GRM5: variants seen among roughly 807,000 people sequenced by gnomAD.
GRM5 encodes the protein glutamate metabotropic receptor 5.
In GRM5, 19 loss-of-function variants were observed where a neutral mutation model predicts 83.1. That is an observed-to-expected ratio of 0.23 (90% confidence interval 0.16 to 0.34). The LOEUF (loss-of-function observed/expected upper bound fraction) is 0.34. Among genes scored for constraint, GRM5 ranks in the 10% least tolerant of loss-of-function variants. The probability of loss-of-function intolerance (pLI) is 1.00; values close to 1 mark genes in which losing one functional copy is unlikely to be tolerated. For synonymous variants in GRM5, 675 were observed against 633.6 expected (o/e 1.07, Z -0.98); for missense variants, 1,160 against 1,588.3 (o/e 0.73, Z 4.58).
intron 3 of GRM5, among the ~76,000 whole-genome samples, chr11:88,826,359 G>A (rs1207532144): frequency 1.3e-5 from 2 of 151,834 alleles, no homozygotes; most frequent in Non-Finnish European, 2.9e-5. Context: ...CCTAAGTTCT[G>A]TAGGAATTAG....
At chr11:88,584,205 T>TAC (rs10526384) in intron 7 of GRM5, among the ~76,000 whole-genome samples, 25,114 of 144,142 alleles carry the variant, frequency 0.17, 2,046 homozygotes, top group Admixed American at 0.23. Flanking sequence ...TGTTTCAAAT[T>TAC]ACACACACAC....
At chr11:88,811,741 C>T (rs959930829) in intron 3 of GRM5, among the ~76,000 whole-genome samples, 1 of 152,066 alleles carries the variant, frequency 6.6e-6, no homozygotes, top group African/African-American at 2.4e-5. Flanking sequence ...AGATATCTTA[C>T]ATAAAGCATA....
chr11:88,820,703 T>C (rs1317676167), intron 3 of GRM5, among the ~76,000 whole-genome samples: 1 of 152,214 alleles, frequency 6.6e-6, no homozygotes, highest in Non-Finnish European at 1.5e-5. Context: ...AAATATTTCG[T>C]AAATGTCTAA....
chr11:88,541,989 C>T (rs1409978799), intron 8 of GRM5, among the ~76,000 whole-genome samples: 1 of 152,186 alleles, frequency 6.6e-6, no homozygotes, highest in Non-Finnish European at 1.5e-5. Flanking sequence ...TTTCTCTTCT[C>T]TCTCCTGCTC....
intron 2 of GRM5, among the ~76,000 whole-genome samples, chr11:88,856,524 A>T (rs868263435): frequency 2.0e-5 from 3 of 152,072 alleles, no homozygotes; most frequent in Admixed American, 2.0e-4. Context: ...GCCTGAAGCT[A>T]ATTTATGGTG....
rs11828291 is a variant in GRM5, at chr11:88,530,475, T to C, written c.2631-5071A>G. ...TGTTGTTCTTCTTCTTGTACCTTCT[T>C]TGTCCAGGAAGTTCTAGCTCTTCTG... On this transcript the variant is annotated intron_variant, in intron 8 of 9. Transcript: ENST00000305447. Among the ~76,000 whole-genome samples, 1,356 of 152,172 alleles carry C rather than the reference T, an allele frequency of 8.9e-3. 18 individuals are homozygous for C. Among genetic ancestry groups the C allele is most frequent in the African/African-American group, 0.03 (1,230 of 41,558 alleles).
intron 3 of GRM5, among the ~76,000 whole-genome samples, chr11:88,805,055 G>A (rs1943475590): frequency 6.6e-6 from 1 of 152,162 alleles, no homozygotes; most frequent in South Asian, 2.1e-4. Flanking sequence ...TCCTGTAAAT[G>A]CATGTGTTGG....
intron 2 of GRM5, among the ~76,000 whole-genome samples, chr11:88,922,257 A>G (rs575582365): frequency 6.6e-6 from 1 of 152,320 alleles, no homozygotes; most frequent in South Asian, 2.1e-4. Flanking sequence ...TGGAACCACA[A>G]AAGACTCAGA....
chr11:88,668,212 G>GCACACACACA (rs71046259), intron 3 of GRM5, among the ~76,000 whole-genome samples: 17,271 of 142,532 alleles, frequency 0.12, 1,307 homozygotes, highest in Non-Finnish European at 0.16. Context: ...GCAGAAACTC[G>GCACACACACA]CACACACACA....
chr11:89,042,313 A>G (rs1406118910), intron 2 of GRM5, among the ~76,000 whole-genome samples: 2 of 152,202 alleles, frequency 1.3e-5, no homozygotes, highest in Non-Finnish European at 2.9e-5. Flanking sequence ...GAAAAATGGC[A>G]AAAAGGAACC....
At chr11:88,691,013 C>T (rs1940768301) in intron 3 of GRM5, among the ~76,000 whole-genome samples, 1 of 152,098 alleles carries the variant, frequency 6.6e-6, no homozygotes, top group Non-Finnish European at 1.5e-5. Context: ...TTGTAAAGCA[C>T]AAAGAGGCTC....
intron 2 of GRM5, among the ~76,000 whole-genome samples, chr11:88,874,310 G>T (rs1464432737): frequency 1.3e-5 from 2 of 151,824 alleles, no homozygotes; most frequent in East Asian, 3.9e-4. Flanking sequence ...ATTGCTTTTT[G>T]ACAAAGTATC....
intron 3 of GRM5, among the ~76,000 whole-genome samples, chr11:88,710,721 T>C (rs1293972771): frequency 1.3e-5 from 2 of 151,996 alleles, no homozygotes; most frequent in African/African-American, 4.8e-5. Context: ...AGTGTGTGTG[T>C]GCATGCATGC....
chr11:88,882,860 T>C (rs902809694), intron 2 of GRM5, among the ~76,000 whole-genome samples: 2 of 152,118 alleles, frequency 1.3e-5, no homozygotes, highest in Non-Finnish European at 2.9e-5. Flanking sequence ...AACTGAATCA[T>C]GAGGGTGGGT....
intron 4 of GRM5, among the ~76,000 whole-genome samples, chr11:88,639,838 G>A (rs35057541): frequency 6.6e-6 from 1 of 152,020 alleles, no homozygotes; most frequent in African/African-American, 2.4e-5. Flanking sequence ...TCAAATTCTA[G>A]TGCCTTAGGA....
At chr11:88,944,598 A>T (rs576442035) in intron 2 of GRM5, among the ~76,000 whole-genome samples, 71 of 151,956 alleles carry the variant, frequency 4.7e-4, no homozygotes, top group African/African-American at 1.6e-3. Flanking sequence ...CATGCAGTAC[A>T]TTAGATCTCC....
chr11:88,765,410 AAAAAAC>A lies in GRM5; in HGVS notation c.911+84490_911+84495del, dbSNP rs1297949611. Among the ~76,000 whole-genome samples, 734 of 118,212 alleles carry A rather than the reference AAAAAAC, an allele frequency of 6.2e-3. 2 individuals carry two copies. The highest frequency in any genetic ancestry group is 0.02 in the African/African-American group (695 of 34,396). The allele number at this position is 118,212 out of a possible 152,430, so 77.6% of individuals were successfully genotyped here. On this transcript the variant is annotated intron_variant, in intron 3 of 9. Transcript: ENST00000305447. ...AAGACAATTTGAAAAAAAAAAAAAA[AAAAAAC>A]AAAGTGGAAGGACTCACACTTTCCA...
At chr11:88,734,700 T>C (rs1353268412) in intron 3 of GRM5, among the ~76,000 whole-genome samples, 1 of 152,074 alleles carries the variant, frequency 6.6e-6, no homozygotes, top group East Asian at 1.9e-4. Flanking sequence ...TTTTCATCAT[T>C]TTCTGTCTGT....
At chr11:88,972,981 T>C (rs11021689) in intron 2 of GRM5, among the ~76,000 whole-genome samples, 17,620 of 152,040 alleles carry the variant, frequency 0.12, 3,286 homozygotes, top group African/African-American at 0.39. Context: ...ACACAGTAAC[T>C]AGGCTAATTT....
Sources: gnomAD v4.1 joint callset for allele counts (sites outside exome capture counted in the v4.1 genomes callset) on GRCh38, gnomAD v4.1.1 for gene constraint, MANE v1.5 for transcripts, NCBI Gene and HGNC (gene_info 2026-07-23, HGNC 2026-07-21) for gene names.